PRR11: variants seen among roughly 807,000 people sequenced by gnomAD.
PRR11 encodes proline-rich protein 11.
Under a neutral mutation model 45.6 loss-of-function variants are expected in PRR11, and 30 were observed. That is an observed-to-expected ratio of 0.66 (90% CI 0.49 to 0.89). The LOEUF is 0.89. PRR11 is among the 40% of genes least tolerant of loss of function. PRR11 has a pLI of 0.00. For missense variants in PRR11, 373 were observed against 424.8 expected (o/e 0.88, Z 1.07); for synonymous variants, 128 against 153.5 (o/e 0.83, Z 1.23).
intron 1 of PRR11, among the ~76,000 whole-genome samples, chr17:59,166,002 C>G (rs867154938): frequency 6.6e-6 from 1 of 152,074 alleles, no homozygotes; most frequent in African/African-American, 2.4e-5. Flanking sequence ...GATAGTTAGT[C>G]CAATTAGATG....
intron 1 of PRR11, among the ~76,000 whole-genome samples, chr17:59,164,550 A>G (rs563271451): frequency 1.3e-5 from 2 of 152,184 alleles, no homozygotes; most frequent in Non-Finnish European, 2.9e-5. Flanking sequence ...ATGGAAGACA[A>G]AGAAAAGGAA....
intron 2 of PRR11, among the ~76,000 whole-genome samples, chr17:59,178,172 A>G (rs985266990): frequency 6.6e-6 from 1 of 151,992 alleles, no homozygotes; most frequent in South Asian, 2.1e-4. Context: ...CATCTCTACT[A>G]AAAACACAAA....
rs570400047 is a variant in PRR11, at chr17:59,164,878, C to G, written c.-5-4870C>G. ...TGCACGACAGAGCAAGACCGTGTCT[C>G]AAAAAAAAAAAAAGGTCCTGACCAT... On this transcript the variant is annotated intron_variant, in intron 1 of 9. Transcript: ENST00000262293. Among the ~76,000 whole-genome samples, 35 of 130,204 alleles carry G rather than the reference C, an allele frequency of 2.7e-4. No individual in the cohort carries two copies. The East Asian group carries it at 6.9e-3, about 26-fold the overall frequency. 85.4% of individuals were successfully genotyped at this position (130,204 alleles called of 152,430 possible).
intron 5 of PRR11, among the ~76,000 whole-genome samples, chr17:59,194,336 G>A (rs984939908): frequency 5.3e-5 from 8 of 149,988 alleles, no homozygotes; most frequent in African/African-American, 2.0e-4. Flanking sequence ...TGTTATATTT[G>A]CCCTAATTAT....
At chr17:59,180,928 G>T (rs761251409) in intron 2 of PRR11, among the ~76,000 whole-genome samples, 4 of 151,560 alleles carry the variant, frequency 2.6e-5, no homozygotes, top group Non-Finnish European at 5.9e-5. Context: ...CAGCCTCCCA[G>T]TGTGCTGGGA....
chr17:59,171,965 A>AT lies in PRR11; in HGVS notation c.128+2086dup, dbSNP rs1157980536. ...AAATTATCTTTATATATATATATAC[A>AT]TAACAGCTATAACTCATGAAAAAAT... On this transcript the variant is annotated intron_variant, in intron 2 of 9. Coordinates refer to ENST00000262293, the MANE Select transcript of PRR11 (RefSeq NM_018304.4). 9.2e-5 allele frequency among the ~76,000 whole-genome samples: 14 copies of AT among 152,318 alleles called. 1 individual carries two copies. The highest frequency in any genetic ancestry group is 7.2e-4 in the Admixed American group (11 of 15,306).
intron 2 of PRR11, chr17:59,181,612 A>G: frequency 1.4e-6 from 2 of 1,434,916 alleles, no homozygotes; most frequent in Non-Finnish European, 9.5e-7. Flanking sequence ...CATCTCCGCC[A>G]CCCAGGTCTC....
At chr17:59,197,983 T>TGG in intron 9 of PRR11, 194 bp downstream of exon 9, 4 of 554,206 alleles carry the variant, frequency 7.2e-6, no homozygotes, top group Non-Finnish European at 1.3e-5. Context: ...GGCGTGGTGG[T>TGG]GCATGCCTGT....
chr17:59,173,360 C>G (rs1202749851), intron 2 of PRR11, among the ~76,000 whole-genome samples: 4 of 152,240 alleles, frequency 2.6e-5, no homozygotes, highest in Admixed American at 6.5e-5. Flanking sequence ...CACTTTCACG[C>G]TGTGGAAGGT....
chr17:59,167,019 C>T (rs2046683173), intron 1 of PRR11, among the ~76,000 whole-genome samples: 1 of 151,954 alleles, frequency 6.6e-6, no homozygotes, highest in South Asian at 2.1e-4. Flanking sequence ...AAAAATTAGC[C>T]AGGCGTGGAT....
At position 59,194,782 on chromosome 17, in the gene PRR11, C is replaced by A; in HGVS notation, c.671C>A (p.Pro224His). 1 of 1,613,050 alleles carries A rather than the reference C, an allele frequency of 6.2e-7. No individual in the cohort carries two copies. The highest frequency in any genetic ancestry group is 1.1e-5 in the South Asian group (1 of 90,970). ...GCTGGACCATTAAAAAAAGATGGAC[C>A]CATGCAGATAACAGTTAAAGATCTG... ...LQAGPLKKDGPMQITVKDLLT... is the reference protein window; with the variant it reads ...LQAGPLKKDGHMQITVKDLLT... The change falls in exon 6 of 10, where the codon CCC becomes CAC. Residue 224 changes from proline (P) to histidine (H), a missense_variant. Pro to His is a moderately conservative substitution (Grantham distance 77, BLOSUM62 -2). Transcript: ENST00000262293.
intron 4 of PRR11, among the ~76,000 whole-genome samples, chr17:59,192,440 A>G (rs1260751451): frequency 6.6e-6 from 1 of 152,182 alleles, no homozygotes; most frequent in Non-Finnish European, 1.5e-5. Flanking sequence ...TTTACTTCAT[A>G]GGGTCGTTGT....
rs2046901056 is a variant in PRR11 at position 59,203,225 on chromosome 17, T to G, written c.*1594T>G. ...ATAGAGATTTTTGTTTGTTTGTTTG[T>G]TTGTTTTGTTTTGTTTTGAGATGAA... On this transcript the variant is annotated 3_prime_UTR_variant, in exon 10 of 10. Coordinates refer to ENST00000262293, the MANE Select transcript of PRR11 (RefSeq NM_018304.4). 6.6e-6 allele frequency among the ~76,000 whole-genome samples: 1 copy of G among 151,726 alleles called. No homozygotes were observed. Among genetic ancestry groups the G allele is most frequent in the Admixed American group, 6.6e-5 (1 of 15,224 alleles).
intron 2 of PRR11, among the ~76,000 whole-genome samples, chr17:59,182,340 T>C (rs1336844663): frequency 6.9e-6 from 1 of 144,920 alleles, no homozygotes; most frequent in Non-Finnish European, 1.5e-5. Flanking sequence ...AATTTCTCCA[T>C]TCTTCCCATA....
Position 59,197,666 on chromosome 17 carries a change from C to G in PRR11, c.918-27C>G, listed in dbSNP as rs1452434547. On this transcript the variant is annotated intron_variant, in intron 8 of 9. Transcript: ENST00000262293. ...TTTTAAAAGTTGCCATAAAATACAG[C>G]TACTGTTATTTTCAATACCTTTGCA... 3 of 1,609,840 alleles carry G rather than the reference C, an allele frequency of 1.9e-6. No individual in the cohort carries two copies. The African/African-American group carries it at 4.0e-5, about 22-fold the overall frequency.
intron 4 of PRR11, among the ~76,000 whole-genome samples, chr17:59,191,339 C>G (rs958295541): frequency 6.6e-6 from 1 of 151,580 alleles, no homozygotes; most frequent in South Asian, 2.1e-4. Context: ...CTGCCTCAGC[C>G]TCCCAAGTAG....
At chr17:59,182,522 G>C (rs1173813765) in intron 2 of PRR11, among the ~76,000 whole-genome samples, 1 of 148,982 alleles carries the variant, frequency 6.7e-6, no homozygotes, top group East Asian at 2.0e-4. Context: ...CTCCCAAATA[G>C]CTGGGATTAC....
At chr17:59,194,982 TG>T in intron 6 of PRR11, 127 bp downstream of exon 6, 1 of 693,862 alleles carries the variant, frequency 1.4e-6, no homozygotes, top group Non-Finnish European at 2.5e-6. Context: ...AGGACCAGCA[TG>T]GGGAATATGG....
chr17:59,195,855 G>C (rs1459787028), intron 7 of PRR11, among the ~76,000 whole-genome samples: 1 of 152,010 alleles, frequency 6.6e-6, no homozygotes, highest in Non-Finnish European at 1.5e-5. Context: ...GAAGTAGGAG[G>C]ATTGCTTGAG....
Sources: gnomAD v4.1 joint callset for allele counts (sites outside exome capture counted in the v4.1 genomes callset) on GRCh38, gnomAD v4.1.1 for gene constraint, MANE v1.5 for transcripts, NCBI Gene and HGNC (gene_info 2026-07-23, HGNC 2026-07-21) for gene names.